ACTR3C: variants seen among roughly 807,000 people sequenced by gnomAD.
The protein encoded by ACTR3C is actin-related protein 3C.
Under a neutral mutation model 26.3 loss-of-function variants are expected in ACTR3C, and 18 were observed. The observed-to-expected ratio is 0.68, with a 90% confidence interval of 0.47 to 1.01. The LOEUF (loss-of-function observed/expected upper bound fraction) is 1.01. ACTR3C is among the 50% of genes least tolerant of loss of function. The pLI, the probability that ACTR3C is intolerant of heterozygous loss-of-function variation, is 0.00. For missense variants in ACTR3C, 184 were observed against 250.7 expected (o/e 0.73, Z 1.80); for synonymous variants, 55 against 94.5 (o/e 0.58, Z 2.42).
chr7:150,042,984 C>A, the ACTR3C span, among the ~76,000 whole-genome samples: 10 of 151,366 alleles, frequency 6.6e-5, no homozygotes, highest in Non-Finnish European at 1.3e-4. Flanking sequence ...CGGGTCCCCG[C>A]CCCCTTTGTG....
the ACTR3C span, among the ~76,000 whole-genome samples, chr7:150,109,673 G>A: frequency 6.7e-6 from 1 of 149,980 alleles, no homozygotes. Context: ...CCAACCACGA[G>A]GACTATGGGT....
the ACTR3C span, among the ~76,000 whole-genome samples, chr7:150,087,525 C>T: frequency 6.6e-6 from 1 of 152,180 alleles, no homozygotes; most frequent in South Asian, 2.1e-4. Context: ...GGGGGCTCCT[C>T]ACTTGCAAGG....
the ACTR3C span, among the ~76,000 whole-genome samples, chr7:150,149,079 G>GTGTATATATATATATA: frequency 1.1e-5 from 1 of 93,176 alleles, no homozygotes; most frequent in Non-Finnish European, 2.1e-5. Flanking sequence ...TAAAGTTTGA[G>GTGTATATATATATATA]TATATATATA....
At chr7:150,282,607 C>G (rs1835437503) in intron 6 of ACTR3C, among the ~76,000 whole-genome samples, 1 of 144,054 alleles carries the variant, frequency 6.9e-6, no homozygotes, top group African/African-American at 2.8e-5. Context: ...TGAGGGAAGA[C>G]AGGATTTATT....
At chr7:150,300,423 C>A (rs1023009056) in intron 1 of ACTR3C, among the ~76,000 whole-genome samples, 71 of 152,224 alleles carry the variant, frequency 4.7e-4, no homozygotes, top group Non-Finnish European at 9.1e-4. Context: ...CACACAATCA[C>A]CCCTGGAACA....
chr7:149,886,412 GC>G, the ACTR3C span, among the ~76,000 whole-genome samples: 1 of 152,192 alleles, frequency 6.6e-6, no homozygotes, highest in Non-Finnish European at 1.5e-5. Context: ...GGGGGAGGAA[GC>G]AGATACTAGA....
At chr7:149,881,513 T>C in the ACTR3C span, 508 of 153,050 alleles carry the variant, frequency 3.3e-3, 1 homozygote, top group African/African-American at 0.011. Flanking sequence ...AGCTGAGGTG[T>C]TCCTTTGTTT....
chr7:150,225,572 C>T, the ACTR3C span, among the ~76,000 whole-genome samples: 1 of 152,222 alleles, frequency 6.6e-6, no homozygotes, highest in Non-Finnish European at 1.5e-5. Context: ...AACTAGAATG[C>T]AGTGGCAGTG....
the ACTR3C span, among the ~76,000 whole-genome samples, chr7:150,228,614 G>A: frequency 6.6e-6 from 1 of 152,060 alleles, no homozygotes; most frequent in Non-Finnish European, 1.5e-5. Flanking sequence ...ATGAACCAAG[G>A]AATACAGGTG....
intron 1 of ACTR3C, among the ~76,000 whole-genome samples, chr7:150,308,460 G>A (rs1465423116): frequency 1.3e-5 from 2 of 152,064 alleles, no homozygotes; most frequent in Non-Finnish European, 2.9e-5. Flanking sequence ...GTCGAAAAAT[G>A]GGCAAATGGT....
the ACTR3C span, among the ~76,000 whole-genome samples, chr7:150,230,193 C>G: frequency 6.6e-6 from 1 of 151,822 alleles, no homozygotes; most frequent in African/African-American, 2.4e-5. Context: ...CCATTGCACT[C>G]CAGTCTGGGT....
chr7:150,103,717 G>T, the ACTR3C span, among the ~76,000 whole-genome samples: 2 of 151,840 alleles, frequency 1.3e-5, no homozygotes, highest in African/African-American at 4.8e-5. Flanking sequence ...AAATTGCCTT[G>T]TCATTTATTT....
chr7:150,155,219 TC>T, the ACTR3C span, among the ~76,000 whole-genome samples: 5 of 152,134 alleles, frequency 3.3e-5, no homozygotes, highest in Non-Finnish European at 7.4e-5. Context: ...GGTGTGTGGA[TC>T]CGGGCTGTGC....
the ACTR3C span, among the ~76,000 whole-genome samples, chr7:149,893,693 G>A: frequency 2.6e-5 from 4 of 152,144 alleles, no homozygotes; most frequent in African/African-American, 9.7e-5. Flanking sequence ...TTTGAAAAAT[G>A]GTCAAACTAT....
the ACTR3C span, among the ~76,000 whole-genome samples, chr7:150,185,806 G>A: frequency 6.6e-6 from 1 of 152,120 alleles, no homozygotes; most frequent in Non-Finnish European, 1.5e-5. Context: ...TAGTGTGCCT[G>A]TTCCTACAGA....
chr7:150,183,932 T>C, the ACTR3C span, among the ~76,000 whole-genome samples: 3,567 of 150,196 alleles, frequency 0.024, 330 homozygotes, highest in African/African-American at 0.086. Flanking sequence ...AAGTGTCTGA[T>C]ATTTCCCCTA....
the ACTR3C span, among the ~76,000 whole-genome samples, chr7:150,226,165 T>C: frequency 3.3e-5 from 5 of 152,230 alleles, no homozygotes; most frequent in Non-Finnish European, 7.3e-5. Flanking sequence ...CTTTTGCATG[T>C]AGATTTTTTG....
chr7:150,154,622 G>A, the ACTR3C span, among the ~76,000 whole-genome samples: 2 of 152,172 alleles, frequency 1.3e-5, no homozygotes, highest in African/African-American at 2.4e-5. Context: ...CAGCAGACAG[G>A]AAGTCATAGA....
chr7:150,164,999 T>C, the ACTR3C span, among the ~76,000 whole-genome samples: 1 of 152,190 alleles, frequency 6.6e-6, no homozygotes, highest in African/African-American at 2.4e-5. Flanking sequence ...TATTCCCTTG[T>C]CAGAGGTAAG....
Sources: gnomAD v4.1 joint callset for allele counts (sites outside exome capture counted in the v4.1 genomes callset) on GRCh38, gnomAD v4.1.1 for gene constraint, MANE v1.5 for transcripts, NCBI Gene and HGNC (gene_info 2026-07-23, HGNC 2026-07-21) for gene names.